EHBP1L1: variants seen among roughly 807,000 people sequenced by gnomAD.
The protein encoded by EHBP1L1 is EH domain binding protein 1 like 1.
In EHBP1L1, 122 loss-of-function variants were observed where a neutral mutation model predicts 151.1. That is an observed-to-expected ratio of 0.81 (90% CI 0.70 to 0.94). EHBP1L1 has a LOEUF of 0.94. EHBP1L1 is among the 40% of genes least tolerant of loss of function. The pLI, the probability that EHBP1L1 is intolerant of heterozygous loss-of-function variation, is 0.00. For synonymous variants in EHBP1L1, 878 were observed against 810.1 expected, an observed-to-expected ratio of 1.08 and a Z score of -1.42; for missense variants, 1,941 against 1,959.8, an observed-to-expected ratio of 0.99 and a Z score of 0.18.
In EHBP1L1 at chr11:65,576,229, C is replaced by G. The variant is rs1857315662; in HGVS notation, c.-74C>G. The G allele has an allele frequency of 7.1e-7, 1 of 1,400,330 alleles. No homozygotes were observed. The highest frequency in any genetic ancestry group is 1.5e-5 in the African/African-American group (1 of 67,318). 86.7% of individuals were successfully genotyped at this position (1,400,330 alleles called of 1,614,324 possible). ...GGGCGGCGCGGACAGGCCATGGGGA[C>G]CCGGGCCGGGCCAGCGGTGGCGGGC... On this transcript the variant is annotated 5_prime_UTR_variant, in exon 1 of 19. Coordinates refer to ENST00000309295, the MANE Select transcript of EHBP1L1 (RefSeq NM_001099409.3).
Position 65,581,125 on chromosome 11 carries a change from A to C in EHBP1L1, c.702A>C (p.Ala234=). ...EEEGQGRPQQ[A]VASPSNAEDT... ...AAGGCCAAGGACGACCCCAGCAGGC[A>C]GGTGAGACCCAGGCTGGGGTTGGGG... Residue 234 remains alanine (A), a splice_region_variant and synonymous_variant, in exon 7 of 19, where the codon GCA becomes GCC. Transcript: ENST00000309295. 1 of 1,613,026 alleles carries C rather than the reference A, an allele frequency of 6.2e-7. No individual in the cohort carries two copies. Among genetic ancestry groups the C allele is most frequent in the Non-Finnish European group, 8.5e-7 (1 of 1,179,710 alleles).
chr11:65,585,624 C>A lies in EHBP1L1; in HGVS notation c.3933+33C>A. On this transcript the variant is annotated intron_variant, in intron 12 of 18. Coordinates refer to ENST00000309295, the MANE Select transcript of EHBP1L1 (RefSeq NM_001099409.3). The surrounding 1 kb of genome is among the most constrained non-coding windows in gnomAD (Gnocchi z 4.0). Reference sequence around the variant, plus strand: ...TCAAGGTCCTTCTTTCTTCCCCCGCCGCAGCGCGGGGTCCCGGGAAGATGG... The same window carrying A: ...TCAAGGTCCTTCTTTCTTCCCCCGCAGCAGCGCGGGGTCCCGGGAAGATGG... 1 of 1,544,192 alleles carries A rather than the reference C, an allele frequency of 6.5e-7. No homozygotes were observed. Among genetic ancestry groups the A allele is most frequent in the South Asian group, 1.2e-5 (1 of 84,940 alleles).
chr11:65,580,225 C>T lies in EHBP1L1; in HGVS notation c.457C>T (p.Leu153Phe). Residue 153 changes from leucine (L) to phenylalanine (F), a missense_variant, in exon 5 of 19, where the codon CTT (leucine) becomes TTT (phenylalanine). Transcript: ENST00000309295. ...KVVQAELSLT[L>F]SGVLLREGRA... ...GGTGCAGGCTGAGCTGAGCCTCACT[C>T]TTTCCGGGGTGCTGCTGCGGGAGGG... 1.2e-6 allele frequency: 2 copies of T among 1,613,650 alleles called. No individual in the cohort carries two copies. The highest frequency in any genetic ancestry group is 1.7e-6 in the Non-Finnish European group (2 of 1,179,872).
In EHBP1L1 at chr11:65,579,373, A is replaced by G. The variant is rs1351952621; in HGVS notation, c.195A>G (p.Pro65=). ...AHSWQPGIQN[P]YRGTVVWMVP... is the part of the protein sequence containing the mutation. ...GCTGGCAGCCGGGCATCCAGAACCC[A>G]TACCGGGGCACCGTGGTGTGGATGG... The change falls in exon 3 of 19, where the codon CCA becomes CCG. Residue 65 remains proline, a synonymous_variant. Transcript: ENST00000309295. 4.4e-6 allele frequency: 7 copies of G among 1,576,580 alleles called. No homozygotes were observed. Among genetic ancestry groups the G allele is most frequent in the Non-Finnish European group, 5.2e-6 (6 of 1,160,554 alleles).
At chr11:65,592,164 C>T in intron 18 of EHBP1L1, 39 bp from the exon 19 acceptor site, 1 of 1,603,996 alleles carries the variant, frequency 6.2e-7, no homozygotes, top group East Asian at 2.2e-5. Flanking sequence ...CGTGTGGACC[C>T]CGCCCAACGG....
Position 65,580,001 on chromosome 11 carries a change from G to C in EHBP1L1, c.312+12G>C. 6.2e-7 allele frequency: 1 copy of C among 1,613,898 alleles called. No individual in the cohort carries two copies. On this transcript the variant is annotated intron_variant, in intron 4 of 18. Coordinates refer to ENST00000309295, the MANE Select transcript of EHBP1L1 (RefSeq NM_001099409.3). ...TTATTATTGAAAATGTGAGTGTCTG[G>C]AGTGGGCTCAGGTCTGGAATCTTGG...
chr11:65,585,606 C>T lies in EHBP1L1; in HGVS notation c.3933+15C>T. On this transcript the variant is annotated intron_variant, in intron 12 of 18. Transcript: ENST00000309295. This position sits in a 1 kb window ranked among gnomAD's most constrained non-coding sequence, Gnocchi z 4.0. ...CTGCGGCTGCAGTGAGTGTCAAGGT[C>T]CTTCTTTCTTCCCCCGCCGCAGCGC... 1 of 1,561,166 alleles carries T rather than the reference C, an allele frequency of 6.4e-7. No homozygotes were observed. Among genetic ancestry groups the T allele is most frequent in the Non-Finnish European group, 8.6e-7 (1 of 1,160,788 alleles).
intron 12 of EHBP1L1, among the ~76,000 whole-genome samples, chr11:65,586,687 A>C (rs1439954858): frequency 6.6e-6 from 1 of 152,230 alleles, no homozygotes; most frequent in East Asian, 1.9e-4. Context: ...GTGTAGGGTC[A>C]GAGGCACAAG....
Position 65,579,114 on chromosome 11 carries a change from G to A in EHBP1L1, c.141G>A (p.Arg47=). Residue 47 remains arginine, a synonymous_variant, in exon 2 of 19, where the codon CGG becomes CGA. Coordinates refer to ENST00000309295, the MANE Select transcript of EHBP1L1 (RefSeq NM_001099409.3). ...AGCTGGTGGTGGTATGGACCCGTCG[G>A]AACCGACGCATCTGCTCCAAGGTGG... ...PDKLVVVWTR[R]NRRICSKAHS... The A allele has an allele frequency of 6.3e-7, 1 of 1,595,382 alleles. No individual in the cohort carries two copies. Among genetic ancestry groups the A allele is most frequent in the Non-Finnish European group, 8.5e-7 (1 of 1,171,184 alleles).
At chr11:65,587,659 A>G (rs1428683685) in intron 12 of EHBP1L1, among the ~76,000 whole-genome samples, 1 of 152,250 alleles carries the variant, frequency 6.6e-6, no homozygotes, top group Non-Finnish European at 1.5e-5. Flanking sequence ...TGCAGCTCCC[A>G]GGTCACACAG....
chr11:65,586,856 T>A (rs1338719052), intron 12 of EHBP1L1, among the ~76,000 whole-genome samples: 3 of 152,222 alleles, frequency 2.0e-5, no homozygotes, highest in Non-Finnish European at 4.4e-5. Context: ...AGGTGCCCCC[T>A]CTGGGCCCAA....
chr11:65,587,073 G>A (rs1285046822), intron 12 of EHBP1L1, among the ~76,000 whole-genome samples: 5 of 152,178 alleles, frequency 3.3e-5, no homozygotes, highest in African/African-American at 1.2e-4. Context: ...AGGCATGAGG[G>A]TATTGAAAGA....
chr11:65,577,575 G>T (rs1272140412), intron 1 of EHBP1L1, among the ~76,000 whole-genome samples: 5 of 152,112 alleles, frequency 3.3e-5, no homozygotes, highest in Non-Finnish European at 5.9e-5. Flanking sequence ...GGGCTGCTTA[G>T]CCTGGAGCCC....
Position 65,590,560 on chromosome 11 carries a change from T to C in EHBP1L1, c.4251T>C (p.Ala1417=). ...EWFTLVNKKN[A]LIRRQDQLQL... Reference sequence around the variant, plus strand: ...TCACCCTGGTCAACAAGAAGAACGCTCTCATCCGGAGGCAGGACCAGCTGC... The same window carrying C: ...TCACCCTGGTCAACAAGAAGAACGCCCTCATCCGGAGGCAGGACCAGCTGC... Residue 1417 remains alanine, a synonymous_variant, in exon 16 of 19, where the codon GCT becomes GCC. Coordinates refer to ENST00000309295, the MANE Select transcript of EHBP1L1 (RefSeq NM_001099409.3). The C allele has an allele frequency of 6.2e-7, 1 of 1,613,620 alleles. No homozygotes were observed. The highest frequency in any genetic ancestry group is 8.5e-7 in the Non-Finnish European group (1 of 1,179,830).
rs1297997012 is a variant in EHBP1L1 at position 65,583,763 on chromosome 11, C to T, written c.3091C>T (p.Gln1031Ter). ...AEEDRRLPGS[Q>*]APPALVSSSQ... ...AGAGGACAGGAGGCTGCCGGGCAGC[C>T]AGGTAGGGATGGGGGCCGCCGAGGG... The change falls in exon 9 of 19, where the codon CAG becomes TAG. Residue 1031 changes from glutamine to a stop codon, truncating the protein, a stop_gained and splice_region_variant. Coordinates refer to ENST00000309295, the MANE Select transcript of EHBP1L1 (RefSeq NM_001099409.3). LOFTEE classifies it high-confidence loss of function. 1 of 1,482,198 alleles carries T rather than the reference C, an allele frequency of 6.7e-7. No homozygotes were observed. The highest frequency in any genetic ancestry group is 2.5e-5 in the East Asian group (1 of 40,718). The allele number at this position is 1,482,198 out of a possible 1,614,324, so 91.8% of individuals were successfully genotyped here. A position where few individuals can be genotyped will look rare whatever the true frequency, so the allele number is the denominator to read the frequency against.
Position 65,590,474 on chromosome 11 carries a change from CTG to C in EHBP1L1, c.4184-17_4184-16del, listed in dbSNP as rs1565133829. On this transcript the variant is annotated splice_polypyrimidine_tract_variant and intron_variant, in intron 15 of 18. Coordinates refer to ENST00000309295, the MANE Select transcript of EHBP1L1 (RefSeq NM_001099409.3). ...ACGGGGCAGGGGGCAGGCCTGGTGA[CTG>C]TCCCTGTCCAATGCAGGTGCCAACA... 1 of 1,611,424 alleles carries C rather than the reference CTG, an allele frequency of 6.2e-7. No homozygotes were observed. Among genetic ancestry groups the C allele is most frequent in the East Asian group, 2.2e-5 (1 of 44,870 alleles).
intron 11 of EHBP1L1, 43 bp downstream of exon 11, chr11:65,584,577 G>C: frequency 1.9e-6 from 3 of 1,594,968 alleles, no homozygotes; most frequent in Non-Finnish European, 2.6e-6. Flanking sequence ...GGAGGGTCTG[G>C]AGAGCCAGGC....
intron 9 of EHBP1L1, 70 bp from the exon 10 acceptor site, chr11:65,584,171 G>A: frequency 6.4e-7 from 1 of 1,560,426 alleles, no homozygotes; most frequent in Non-Finnish European, 8.6e-7. Flanking sequence ...TGCCAGGCAT[G>A]AGCTTCCCCA....
Position 65,583,747 on chromosome 11 carries a change from G to A in EHBP1L1, c.3075G>A (p.Arg1025=). The change falls in exon 9 of 19, where the codon AGG becomes AGA. Residue 1025 remains arginine (R), a synonymous_variant. Coordinates refer to ENST00000309295, the MANE Select transcript of EHBP1L1 (RefSeq NM_001099409.3). ...ASSPEKAEED[R]RLPGSQAPPA... ...CCCCAGAGAAGGCTGAAGAGGACAGGAGGCTGCCGGGCAGCCAGGTAGGGA... is the reference window on the plus strand; with the variant it reads ...CCCCAGAGAAGGCTGAAGAGGACAGAAGGCTGCCGGGCAGCCAGGTAGGGA... 1 of 1,500,968 alleles carries A rather than the reference G, an allele frequency of 6.7e-7. No homozygotes were observed. Among genetic ancestry groups the A allele is most frequent in the Non-Finnish European group, 8.9e-7 (1 of 1,127,676 alleles). 93.0% of individuals were successfully genotyped at this position (1,500,968 alleles called of 1,614,324 possible). A position where few individuals can be genotyped will look rare whatever the true frequency, so the allele number is the denominator to read the frequency against.
Sources: allele counts gnomAD v4.1 joint callset (sites outside exome capture counted in the v4.1 genomes callset), GRCh38; gene constraint gnomAD v4.1.1; non-coding constraint Gnocchi (gnomAD v3.1); transcripts MANE v1.5; gene names NCBI Gene and HGNC (gene_info 2026-07-23, HGNC 2026-07-21).